Variants in DPP10 observed in about 807,000 individuals in gnomAD.
DPP10 encodes dipeptidyl peptidase like 10.
A neutral mutation model predicts 120.9 loss-of-function variants in DPP10; 33 were observed. The observed-to-expected ratio is 0.27, with a 90% CI of 0.21 to 0.37. The LOEUF (loss-of-function observed/expected upper bound fraction) is 0.37, where lower values mean the gene tolerates loss of function less well. Among genes scored for constraint, DPP10 ranks in the 10% least tolerant of loss-of-function variants. DPP10 has a pLI of 1.00. For missense variants in DPP10, 816 were observed against 942.8 expected (o/e 0.87, Z 1.76); for synonymous variants, 337 against 326.1 (o/e 1.03, Z -0.36).
intron 1 of DPP10, among the ~76,000 whole-genome samples, chr2:114,919,178 C>A (rs1231352117): frequency 1.3e-5 from 2 of 151,914 alleles, no homozygotes; most frequent in Non-Finnish European, 2.9e-5. Flanking sequence ...CAATAAAATT[C>A]TGTTTTGGTC....
At chr2:114,901,746 A>T (rs138164854) in intron 1 of DPP10, among the ~76,000 whole-genome samples, 193 of 152,334 alleles carry the variant, frequency 1.3e-3, no homozygotes, top group African/African-American at 4.4e-3. Flanking sequence ...GCCACAGACC[A>T]GGGCAGAGCT....
chr2:114,648,700 G>T (rs1696328517), intron 1 of DPP10, among the ~76,000 whole-genome samples: 1 of 152,162 alleles, frequency 6.6e-6, no homozygotes, highest in African/African-American at 2.4e-5. Flanking sequence ...TCAATAGGTA[G>T]GTATAAGAAA....
At chr2:115,401,437 A>G (rs537500861) in intron 3 of DPP10, among the ~76,000 whole-genome samples, 17 of 152,238 alleles carry the variant, frequency 1.1e-4, no homozygotes, top group African/African-American at 3.6e-4. Context: ...TTTAAAATGT[A>G]TCTGGGCTAG....
intron 1 of DPP10, among the ~76,000 whole-genome samples, chr2:114,981,376 T>A (rs1440263595): frequency 6.6e-6 from 1 of 151,914 alleles, no homozygotes; most frequent in African/African-American, 2.4e-5. Context: ...ATGTATCTTT[T>A]ACCGAAAAAA....
In DPP10 at chr2:115,840,337, T is replaced by G. The variant is rs1055989177; in HGVS notation, c.2183-413T>G. On this transcript the variant is annotated intron_variant, in intron 24 of 25. Transcript: ENST00000410059. The stretch of plus-strand genomic sequence containing the variant: ...TTTTTTGGTTTTTTTTTTTTTTTTT[T>G]TTTTGAGACGGAGTCTTGCTCTGTC... Among the ~76,000 whole-genome samples the G allele has an allele frequency of 4.4e-5, 6 of 135,886 alleles. 1 individual carries two copies. Among genetic ancestry groups the G allele is most frequent in the African/African-American group, 1.6e-4 (6 of 36,536 alleles). 89.1% of individuals were successfully genotyped at this position (135,886 alleles called of 152,430 possible).
chr2:115,835,897 T>C (rs1689435670), intron 21 of DPP10, among the ~76,000 whole-genome samples: 1 of 152,080 alleles, frequency 6.6e-6, no homozygotes, highest in Non-Finnish European at 1.5e-5. Flanking sequence ...ATGTAATTAA[T>C]TTTATATTTT....
chr2:114,688,696 G>A (rs1699531737), intron 1 of DPP10, among the ~76,000 whole-genome samples: 1 of 151,942 alleles, frequency 6.6e-6, no homozygotes, highest in South Asian at 2.1e-4. Context: ...CTAAGTGACT[G>A]ACAAGTGCGC....
At chr2:114,522,021 C>G (rs1035201294) in intron 1 of DPP10, among the ~76,000 whole-genome samples, 25 of 146,576 alleles carry the variant, frequency 1.7e-4, no homozygotes, top group Non-Finnish European at 3.1e-4. Flanking sequence ...GCTCTGTCAC[C>G]CAGGCTGGAG....
intron 7 of DPP10, among the ~76,000 whole-genome samples, chr2:115,719,863 A>G (rs138375467): frequency 4.1e-4 from 62 of 152,304 alleles, no homozygotes; most frequent in Admixed American, 3.7e-3. Flanking sequence ...GAAACAAAAC[A>G]TCGTTCACAC....
intron 3 of DPP10, among the ~76,000 whole-genome samples, chr2:115,388,278 T>C (rs1367944341): frequency 6.6e-6 from 1 of 152,222 alleles, no homozygotes; most frequent in East Asian, 1.9e-4. Flanking sequence ...AGGTGCCATG[T>C]TATTTAAAGG....
At chr2:115,084,050 C>A (rs562121966) in intron 1 of DPP10, among the ~76,000 whole-genome samples, 1 of 152,078 alleles carries the variant, frequency 6.6e-6, no homozygotes, top group Non-Finnish European at 1.5e-5. Context: ...GGGGCTATAC[C>A]TTTGTGATCC....
At chr2:115,251,058 G>T (rs2058730108) in intron 1 of DPP10, among the ~76,000 whole-genome samples, 1 of 152,192 alleles carries the variant, frequency 6.6e-6, no homozygotes, top group Admixed American at 6.6e-5. Flanking sequence ...TTCTGTTACT[G>T]TGGGAAGTGC....
chr2:115,018,870 TTAAA>T (rs1702862871), intron 1 of DPP10, among the ~76,000 whole-genome samples: 1 of 151,992 alleles, frequency 6.6e-6, no homozygotes, highest in African/African-American at 2.4e-5. Flanking sequence ...ATAAAAATAA[TTAAA>T]TAAGTAGAGT....
intron 1 of DPP10, among the ~76,000 whole-genome samples, chr2:114,610,885 T>G (rs746695341): frequency 6.6e-6 from 1 of 151,764 alleles, no homozygotes; most frequent in African/African-American, 2.4e-5. Context: ...AGCATCCTTA[T>G]CCCTCCCCTC....
At position 115,168,291 on chromosome 2, in the gene DPP10, A is replaced by C. The variant is rs367785967; in HGVS notation, c.61-140948A>C. Among the ~76,000 whole-genome samples the C allele has an allele frequency of 4.6e-5, 7 of 152,360 alleles. No individual in the cohort carries two copies. The East Asian group carries it at 1.2e-3, about 25-fold the overall frequency. ...TGTGTCCTAACCAAGTTCATGTATG[A>C]CTAACATTAGAATGGGGGCCATATA... On this transcript the variant is annotated intron_variant, in intron 1 of 25. Transcript: ENST00000410059.
intron 1 of DPP10, among the ~76,000 whole-genome samples, chr2:114,560,507 C>G (rs557959147): frequency 3.8e-4 from 58 of 152,214 alleles, no homozygotes; most frequent in African/African-American, 1.3e-3. Context: ...GTAGTCAGGC[C>G]TTTGCTGGTA....
chr2:114,480,648 A>G (rs2104674170), intron 1 of DPP10, among the ~76,000 whole-genome samples: 1 of 143,828 alleles, frequency 7.0e-6, no homozygotes, highest in South Asian at 2.2e-4. Flanking sequence ...ATAGGTGGGA[A>G]TTGAGCAAAG....
chr2:115,746,271 A>C, intron 10 of DPP10, 88 bp downstream of exon 10: 1 of 1,132,272 alleles, frequency 8.8e-7, no homozygotes, highest in South Asian at 1.3e-5. Flanking sequence ...AGATGTGATC[A>C]GCTCAACAAA....
At chr2:115,551,831 A>C (rs1240798440) in intron 5 of DPP10, among the ~76,000 whole-genome samples, 1 of 152,152 alleles carries the variant, frequency 6.6e-6, no homozygotes, top group Non-Finnish European at 1.5e-5. Context: ...CAACAACTAG[A>C]AATCTTTTCA....
Sources: gnomAD v4.1 joint callset for allele counts (sites outside exome capture counted in the v4.1 genomes callset) on GRCh38, gnomAD v4.1.1 for gene constraint, MANE v1.5 for transcripts, NCBI Gene and HGNC (gene_info 2026-07-23, HGNC 2026-07-21) for gene names.